The following EYS variants were observed in gnomAD, a reference collection of about 807,000 sequenced individuals.
The protein encoded by EYS is protein eyes shut homolog.
Under a neutral mutation model 282.1 loss-of-function variants are expected in EYS, and 250 were observed. That is an observed-to-expected ratio of 0.89 (90% CI 0.80 to 0.98). The LOEUF (loss-of-function observed/expected upper bound fraction) is 0.98. Among genes scored for constraint, EYS ranks in the 50% least tolerant of loss-of-function variants. EYS has a pLI of 0.00. For synonymous variants in EYS, 1,355 were observed against 1,282.9 expected (o/e 1.06, Z -1.20); for missense variants, 4,016 against 3,709.0 (o/e 1.08, Z -2.15).
intron 26 of EYS, among the ~76,000 whole-genome samples, chr6:64,553,557 C>CCT (rs1554177893): frequency 1.5e-5 from 2 of 137,102 alleles, no homozygotes; most frequent in African/African-American, 5.4e-5. Context: ...CCCCCCCCCC[C>CCT]CATAGGCAGT....
intron 14 of EYS, among the ~76,000 whole-genome samples, chr6:64,950,719 T>TA (rs999698836): frequency 1.3e-4 from 19 of 144,298 alleles, no homozygotes; most frequent in South Asian, 2.2e-4. Flanking sequence ...CAAAATGATT[T>TA]AAAAAAACCC....
intron 13 of EYS, among the ~76,000 whole-genome samples, chr6:65,019,595 G>A (rs1034582026): frequency 1.3e-5 from 2 of 152,108 alleles, no homozygotes; most frequent in Non-Finnish European, 2.9e-5. Context: ...ATTTCAAAAA[G>A]TACCTGCCAA....
intron 12 of EYS, among the ~76,000 whole-genome samples, chr6:65,070,930 T>A (rs1773885708): frequency 1.3e-5 from 2 of 151,926 alleles, no homozygotes; most frequent in Non-Finnish European, 2.9e-5. Context: ...AAATGGATGA[T>A]AATATTAAAT....
Position 65,495,334 on chromosome 6 carries a change from C to CGTCT in EYS, c.73_76dup (p.Arg26GlnfsTer41). 3 of 1,613,818 alleles carry CGTCT rather than the reference C, an allele frequency of 1.9e-6. No homozygotes were observed. Among genetic ancestry groups the CGTCT allele is most frequent in the Non-Finnish European group, 2.5e-6 (3 of 1,179,954 alleles). The stretch of plus-strand genomic sequence containing the variant: ...TGGATGCCATTCTTCCACCAATTGC[C>CGTCT]GTCTACATGTTTTTCCATTTATGAA... On this transcript the variant is annotated frameshift_variant, in exon 4 of 43. Coordinates refer to ENST00000503581, the MANE Select transcript of EYS (RefSeq NM_001142800.2). LOFTEE classifies it high-confidence loss of function.
At chr6:65,048,144 A>T (rs999088760) in intron 13 of EYS, among the ~76,000 whole-genome samples, 2 of 151,888 alleles carry the variant, frequency 1.3e-5, no homozygotes, top group Non-Finnish European at 2.9e-5. Flanking sequence ...TAACATTTTG[A>T]TAAACAAATC....
chr6:64,518,927 A>G (rs1433481363), intron 26 of EYS, among the ~76,000 whole-genome samples: 1 of 151,860 alleles, frequency 6.6e-6, no homozygotes, highest in Non-Finnish European at 1.5e-5. Flanking sequence ...TCTTTCCTTT[A>G]TAAATCACCC....
At chr6:64,217,845 G>A (rs1302960367) in intron 31 of EYS, among the ~76,000 whole-genome samples, 1 of 152,116 alleles carries the variant, frequency 6.6e-6, no homozygotes, top group African/African-American at 2.4e-5. Flanking sequence ...GAATTTAAGA[G>A]TAGAAAGCAC....
At chr6:63,850,434 A>T (rs1441804170) in intron 36 of EYS, among the ~76,000 whole-genome samples, 3 of 152,186 alleles carry the variant, frequency 2.0e-5, no homozygotes, top group Non-Finnish European at 4.4e-5. Flanking sequence ...AGAGAGAAAG[A>T]TTGGGTTACC....
At chr6:63,916,807 A>G (rs1361057577) in intron 35 of EYS, among the ~76,000 whole-genome samples, 2 of 152,212 alleles carry the variant, frequency 1.3e-5, no homozygotes, top group South Asian at 2.1e-4. Context: ...ATCTTTGTGC[A>G]TGACTAAAAC....
At chr6:64,279,882 G>A (rs148793098) in intron 30 of EYS, among the ~76,000 whole-genome samples, 133 of 152,136 alleles carry the variant, frequency 8.7e-4, no homozygotes, top group African/African-American at 3.1e-3. Flanking sequence ...TACAGTTCAC[G>A]TTTCAACAAC....
At chr6:64,140,980 T>A (rs1774320524) in intron 31 of EYS, among the ~76,000 whole-genome samples, 1 of 152,240 alleles carries the variant, frequency 6.6e-6, no homozygotes, top group African/African-American at 2.4e-5. Flanking sequence ...TGTGTCTTTA[T>A]GACCTTGCAA....
At chr6:63,863,354 A>T (rs1772581968) in intron 36 of EYS, among the ~76,000 whole-genome samples, 1 of 152,122 alleles carries the variant, frequency 6.6e-6, no homozygotes, top group Non-Finnish European at 1.5e-5. Flanking sequence ...TTTGTAATTT[A>T]GGATTTCTCA....
At chr6:63,759,016 C>T (rs567217142) in intron 41 of EYS, among the ~76,000 whole-genome samples, 165 of 152,130 alleles carry the variant, frequency 1.1e-3, no homozygotes, top group Non-Finnish European at 1.9e-3. Flanking sequence ...GTATATAAAA[C>T]ATTTTGAGGG....
chr6:64,774,949 TACAGACTCGTTTTTGTC>T (rs1187051650), intron 22 of EYS, among the ~76,000 whole-genome samples: 29 of 152,122 alleles, frequency 1.9e-4, no homozygotes, highest in African/African-American at 6.7e-4. Context: ...ATGTTTATCT[TACAGACTCGTTTTTGTC>T]ACTAGGGAAA....
intron 26 of EYS, among the ~76,000 whole-genome samples, chr6:64,583,282 C>A (rs1424052694): frequency 6.6e-6 from 1 of 151,590 alleles, no homozygotes; most frequent in Non-Finnish European, 1.5e-5. Flanking sequence ...GTTTGAAAAC[C>A]CTGGGACATA....
chr6:64,721,396 A>T (rs565294373), intron 22 of EYS, among the ~76,000 whole-genome samples: 6 of 152,284 alleles, frequency 3.9e-5, no homozygotes, highest in Admixed American at 2.0e-4. Context: ...GAGGTGAGAG[A>T]TAAAGACTCA....
At chr6:64,291,120 A>G (rs1227706564) in intron 30 of EYS, among the ~76,000 whole-genome samples, 1 of 151,390 alleles carries the variant, frequency 6.6e-6, no homozygotes, top group Non-Finnish European at 1.5e-5. Flanking sequence ...CATAATAAGC[A>G]TTTGAAAGAC....
rs1764720291 is a variant in EYS at position 65,577,697 on chromosome 6, A to G, written c.-333+62081T>C. On this transcript the variant is annotated intron_variant, in intron 2 of 42. Coordinates refer to ENST00000503581, the MANE Select transcript of EYS (RefSeq NM_001142800.2). ...TACATCTGATAAGGACTTTATATCC[A>G]AACTATATAAAGAACTTAACTCAAT... 2.6e-5 allele frequency among the ~76,000 whole-genome samples: 4 copies of G among 151,762 alleles called. No individual in the cohort carries two copies. In the South Asian group the frequency reaches 8.3e-4, roughly 31 times the overall value.
At chr6:65,365,022 G>C (rs1764861834) in intron 8 of EYS, among the ~76,000 whole-genome samples, 1 of 151,566 alleles carries the variant, frequency 6.6e-6, no homozygotes, top group African/African-American at 2.4e-5. Context: ...ATTTTTTTGT[G>C]AGTTGAGATA....
Sources: allele counts gnomAD v4.1 joint callset (sites outside exome capture counted in the v4.1 genomes callset), GRCh38; gene constraint gnomAD v4.1.1; transcripts MANE v1.5; gene names NCBI Gene and HGNC (gene_info 2026-07-23, HGNC 2026-07-21).